Variants in SMCHD1 observed in about 807,000 individuals in gnomAD.
The protein encoded by SMCHD1 is structural maintenance of chromosomes flexible hinge domain-containing protein 1.
Under a neutral mutation model 254.7 loss-of-function variants are expected in SMCHD1, and 78 were observed. The observed-to-expected ratio is 0.31, with a 90% CI of 0.26 to 0.37. The LOEUF is 0.37. Ranked by LOEUF, SMCHD1 falls within the 10% of genes least tolerant of loss-of-function variation. SMCHD1 has a pLI of 1.00. For synonymous variants in SMCHD1, 766 were observed against 794.9 expected (o/e 0.96, Z 0.61); for missense variants, 1,840 against 2,408.1 (o/e 0.76, Z 4.94).
chr18:2,698,120 G>A (rs1043301141), intron 10 of SMCHD1, 79 bp downstream of exon 10: 21 of 1,168,376 alleles, frequency 1.8e-5, no homozygotes, highest in Middle Eastern at 2.1e-4. Flanking sequence ...AATGATTATC[G>A]GTTGGGTTAT....
chr18:2,767,583 C>CTT, intron 37 of SMCHD1, among the ~76,000 whole-genome samples: 3 of 89,034 alleles, frequency 3.4e-5, no homozygotes, highest in Non-Finnish European at 7.2e-5. Flanking sequence ...CAACCTATTT[C>CTT]CTTTTTTTTT....
chr18:2,792,382 G>T (rs2076182511), intron 45 of SMCHD1, among the ~76,000 whole-genome samples: 1 of 152,204 alleles, frequency 6.6e-6, no homozygotes, highest in Non-Finnish European at 1.5e-5. Flanking sequence ...AGCATTGTAG[G>T]TTCTACATAC....
chr18:2,764,272 G>C (rs2075832111), intron 37 of SMCHD1, among the ~76,000 whole-genome samples: 1 of 152,108 alleles, frequency 6.6e-6, no homozygotes, highest in South Asian at 2.1e-4. Flanking sequence ...TTACCTTCCA[G>C]AGTTTCGGCA....
intron 39 of SMCHD1, among the ~76,000 whole-genome samples, chr18:2,770,447 T>C (rs1329655832): frequency 6.6e-6 from 1 of 152,172 alleles, no homozygotes; most frequent in Non-Finnish European, 1.5e-5. Context: ...AAGGGAGTGA[T>C]GTGTAATGTA....
At chr18:2,784,950 A>T in intron 45 of SMCHD1, 1 of 362,226 alleles carries the variant, frequency 2.8e-6, no homozygotes, top group Non-Finnish European at 5.3e-6. Flanking sequence ...CATCTCTTAA[A>T]AAAAAAAAAA....
In SMCHD1 at chr18:2,673,265, T is replaced by C. The variant is rs754169716; in HGVS notation, c.425-16T>C. On this transcript the variant is annotated splice_polypyrimidine_tract_variant and intron_variant, in intron 3 of 47. Coordinates refer to ENST00000320876, the MANE Select transcript of SMCHD1 (RefSeq NM_015295.3). Reference sequence around the variant, plus strand: ...GGGAGGGAAAAGTTAAGCAATGTTTTCTTGATCTCTTGCAGCATTTGCTCT... The same window carrying C: ...GGGAGGGAAAAGTTAAGCAATGTTTCCTTGATCTCTTGCAGCATTTGCTCT... 3.2e-6 allele frequency: 5 copies of C among 1,575,896 alleles called. No homozygotes were observed. The highest frequency in any genetic ancestry group is 1.7e-4 in the Middle Eastern group (1 of 5,928).
intron 17 of SMCHD1, among the ~76,000 whole-genome samples, chr18:2,709,232 G>GTGTATATATA (rs3037640): frequency 1.1e-4 from 9 of 79,646 alleles, no homozygotes; most frequent in South Asian, 3.8e-4. Context: ...GTGTATATGT[G>GTGTATATATA]TATATATATA....
At chr18:2,708,070 C>A in intron 17 of SMCHD1, 150 bp downstream of exon 17, 2 of 467,780 alleles carry the variant, frequency 4.3e-6, no homozygotes, top group Non-Finnish European at 7.5e-6. Flanking sequence ...TTATGAATAG[C>A]TCATTTTCTT....
chr18:2,748,296 G>C (rs1219364678), intron 30 of SMCHD1, among the ~76,000 whole-genome samples: 1 of 149,728 alleles, frequency 6.7e-6, no homozygotes, highest in Non-Finnish European at 1.5e-5. Context: ...AAAGTTGGAG[G>C]CACTCCTTCT....
At chr18:2,658,789 T>C (rs914636708) in intron 1 of SMCHD1, among the ~76,000 whole-genome samples, 7 of 151,846 alleles carry the variant, frequency 4.6e-5, no homozygotes, top group African/African-American at 1.7e-4. Flanking sequence ...TTAGGTCAAT[T>C]TGATTCCAAA....
At chr18:2,697,203 C>A (rs1277052365) in intron 9 of SMCHD1, 81 bp downstream of exon 9, 1 of 622,618 alleles carries the variant, frequency 1.6e-6, no homozygotes, top group African/African-American at 1.9e-5. Context: ...TAATAAAAAA[C>A]ACTTGATAAT....
At chr18:2,778,092 C>A in intron 43 of SMCHD1, 77 bp from the exon 44 acceptor site, 1 of 1,157,292 alleles carries the variant, frequency 8.6e-7, no homozygotes, top group Non-Finnish European at 1.2e-6. Flanking sequence ...CAAAGAAAGA[C>A]TTGCAATGTG....
rs191487554 is a variant in SMCHD1 at position 2,751,367 on chromosome 18, A to G, written c.4255A>G (p.Thr1419Ala). ...RISMKMWKLS[T>A]SGNRPPANAE... Reference sequence around the variant, plus strand: ...TTCCATGAAAATGTGGAAGCTGTCTACCAGTGGGAACCGACCCCCAGCAAA... The same window carrying G: ...TTCCATGAAAATGTGGAAGCTGTCTGCCAGTGGGAACCGACCCCCAGCAAA... Residue 1419 changes from threonine (T) to alanine (A), a missense_variant, in exon 33 of 48, where the codon ACC becomes GCC. By Grantham distance (58) the Thr-to-Ala change is moderately conservative. Around this residue, in one of 9 missense-constraint regions of SMCHD1, gnomAD observed 881 missense variants for 1,009.5 expected, o/e 0.87. Transcript: ENST00000320876. 6.0e-5 allele frequency: 95 copies of G among 1,573,618 alleles called. No homozygotes were observed. The African/African-American group carries it at 1.1e-3, about 19-fold the overall frequency.
chr18:2,802,909 A>G lies in SMCHD1; in HGVS notation c.*357A>G. 1 of 190,426 alleles carries G rather than the reference A, an allele frequency of 5.3e-6. No individual in the cohort carries two copies. 11.8% of individuals were successfully genotyped at this position (190,426 alleles called of 1,614,324 possible). On this transcript the variant is annotated 3_prime_UTR_variant, in exon 48 of 48. Coordinates refer to ENST00000320876, the MANE Select transcript of SMCHD1 (RefSeq NM_015295.3). ...ACATGTACTATTTTTCAGTATAAAT[A>G]TAATGAACATGTCAGAACTATTTCT...
intron 1 of SMCHD1, among the ~76,000 whole-genome samples, chr18:2,660,368 T>A (rs954849081): frequency 6.6e-6 from 1 of 151,454 alleles, no homozygotes. Context: ...CTTAGAAAAA[T>A]TGTGAATTCA....
chr18:2,786,569 G>T (rs1235613679), intron 45 of SMCHD1, among the ~76,000 whole-genome samples: 1 of 152,040 alleles, frequency 6.6e-6, no homozygotes, highest in Non-Finnish European at 1.5e-5. Flanking sequence ...GTGGGTGCCT[G>T]TTGTCCCAGC....
At position 2,751,197 on chromosome 18, in the gene SMCHD1, T is replaced by A. The variant is rs1053502486; in HGVS notation, c.4166-81T>A. 8.4e-6 allele frequency: 6 copies of A among 710,296 alleles called. No homozygotes were observed. In the African/African-American group the frequency reaches 9.5e-5, roughly 11 times the overall value. The allele number at this position is 710,296 out of a possible 1,614,324, so 44.0% of individuals were successfully genotyped here. ...TGCTTTAAACATTTAAATAAGATGT[T>A]TGCTTTAAGGCATACAATTATTTAA... On this transcript the variant is annotated intron_variant, in intron 32 of 47. Transcript: ENST00000320876.
At chr18:2,797,093 G>C (rs2076277772) in intron 47 of SMCHD1, among the ~76,000 whole-genome samples, 1 of 152,124 alleles carries the variant, frequency 6.6e-6, no homozygotes, top group Non-Finnish European at 1.5e-5. Flanking sequence ...GAGTCAAATT[G>C]CTTGTCTATT....
rs183932031 is a variant in SMCHD1, at chr18:2,661,075, G to A, written c.186+4814G>A. ...CCATCATTCTCAGCAAACTAACACA[G>A]GAACAGAAAACCAAACACTGCATGT... is the stretch of plus-strand genomic sequence containing the variant. On this transcript the variant is annotated intron_variant, in intron 1 of 47. Coordinates refer to ENST00000320876, the MANE Select transcript of SMCHD1 (RefSeq NM_015295.3). Among the ~76,000 whole-genome samples the A allele has an allele frequency of 4.1e-3, 630 of 152,218 alleles. 4 individuals carry two copies. The highest frequency in any genetic ancestry group is 0.015 in the African/African-American group (609 of 41,536).
Sources: allele counts gnomAD v4.1 joint callset (sites outside exome capture counted in the v4.1 genomes callset), GRCh38; gene constraint gnomAD v4.1.1; regional missense constraint gnomAD v4.1.1; transcripts MANE v1.5; gene names NCBI Gene and HGNC (gene_info 2026-07-23, HGNC 2026-07-21).